PIK3C2A: variants seen among roughly 807,000 people sequenced by gnomAD.
PIK3C2A encodes phosphatidylinositol 4-phosphate 3-kinase C2 domain-containing subunit alpha.
In PIK3C2A, 97 loss-of-function variants were observed where a neutral mutation model predicts 204.5. That is an observed-to-expected ratio of 0.47 (90% CI 0.40 to 0.56). The LOEUF is 0.56. Ranked by LOEUF, PIK3C2A falls within the 20% of genes least tolerant of loss-of-function variation. The probability of loss-of-function intolerance (pLI) is 0.00; values close to 1 mark genes in which losing one functional copy is unlikely to be tolerated. For missense variants in PIK3C2A, 1,735 were observed against 1,969.2 expected, an observed-to-expected ratio of 0.88 and a Z score of 2.25; for synonymous variants, 653 against 664.4, an observed-to-expected ratio of 0.98 and a Z score of 0.26.
chr11:17,204,081 A>G (rs1236478711), intron 1 of PIK3C2A, among the ~76,000 whole-genome samples: 2 of 151,960 alleles, frequency 1.3e-5, no homozygotes, highest in African/African-American at 4.8e-5. Context: ...CTCAAAGAAA[A>G]AAAAAAAAAA....
At chr11:17,166,332 A>G (rs1850947364) in intron 2 of PIK3C2A, among the ~76,000 whole-genome samples, 1 of 152,192 alleles carries the variant, frequency 6.6e-6, no homozygotes, top group South Asian at 2.1e-4. Context: ...AACATAGATA[A>G]AAAGCATGTA....
In PIK3C2A at chr11:17,116,531, C is replaced by T. The variant is rs551478276; in HGVS notation, c.3216+960G>A. 2.0e-5 allele frequency among the ~76,000 whole-genome samples: 3 copies of T among 152,228 alleles called. No individual in the cohort carries two copies. In the South Asian group the frequency reaches 6.2e-4, roughly 32 times the overall value. ...AGAACTACCATATGACCTAGCTCTG[C>T]CATTCCTAAGTGGAAACAGTTGTTT... On this transcript the variant is annotated intron_variant, in intron 19 of 32. Coordinates refer to ENST00000691414, the MANE Select transcript of PIK3C2A (RefSeq NM_002645.4).
chr11:17,173,083 C>T (rs1851230143), intron 1 of PIK3C2A, among the ~76,000 whole-genome samples: 1 of 152,244 alleles, frequency 6.6e-6, no homozygotes, highest in Admixed American at 6.5e-5. Flanking sequence ...CTTCCCTAAG[C>T]AGCTCTTATC....
chr11:17,168,967 A>G lies in PIK3C2A; in HGVS notation c.775T>C (p.Ser259Pro), dbSNP rs1012472123. 5.6e-6 allele frequency: 9 copies of G among 1,613,686 alleles called. No individual in the cohort carries two copies. The Admixed American group carries it at 1.3e-4, about 24-fold the overall frequency. ...TDSKVSNLQV[S>P]PKSEDISKFD... ...TTACTGATATCCTCAGACTTTGGAG[A>G]TACCTGTAGATTGCTGACTTTTGAA... Residue 259 changes from serine (S) to proline (P), a missense_variant, in exon 2 of 33, where the codon TCT becomes CCT. Physicochemically the swap from Ser to Pro is moderately conservative, Grantham distance 74. Around this residue, in one of 6 missense-constraint regions of PIK3C2A, gnomAD observed 536 missense variants for 546.7 expected, o/e 0.98. Coordinates refer to ENST00000691414, the MANE Select transcript of PIK3C2A (RefSeq NM_002645.4).
At chr11:17,150,083 C>T (rs933703558) in intron 4 of PIK3C2A, among the ~76,000 whole-genome samples, 11 of 152,064 alleles carry the variant, frequency 7.2e-5, no homozygotes, top group African/African-American at 2.4e-4. Context: ...AGAGGACACC[C>T]ATACCAAGTT....
At chr11:17,105,369 TAA>T in intron 22 of PIK3C2A, 64 bp from the exon 23 acceptor site, 1 of 1,315,810 alleles carries the variant, frequency 7.6e-7, no homozygotes, top group Non-Finnish European at 1.1e-6. Flanking sequence ...TAAACATTTT[TAA>T]AAATTATTAT....
intron 11 of PIK3C2A, among the ~76,000 whole-genome samples, chr11:17,133,757 G>A (rs1274726246): frequency 3.3e-5 from 5 of 151,848 alleles, no homozygotes; most frequent in African/African-American, 1.2e-4. Context: ...GTGAAATCTC[G>A]TCTCTACTAA....
In PIK3C2A at chr11:17,173,796, G is replaced by A. The variant is rs140249082; in HGVS notation, c.-65-3990C>T. On this transcript the variant is annotated intron_variant, in intron 1 of 32. Transcript: ENST00000691414. ...AGAAACTTAATTTACTGAACACGTGGGGTTTGTTTGTTTGTTTGTTTGTTT... is the reference window on the plus strand; with the variant it reads ...AGAAACTTAATTTACTGAACACGTGAGGTTTGTTTGTTTGTTTGTTTGTTT... Among the ~76,000 whole-genome samples the A allele has an allele frequency of 3.0e-4, 46 of 152,158 alleles. No homozygotes were observed. The East Asian group carries it at 8.3e-3, about 27-fold the overall frequency.
At chr11:17,120,794 T>G (rs1009035528) in intron 15 of PIK3C2A, among the ~76,000 whole-genome samples, 1 of 152,162 alleles carries the variant, frequency 6.6e-6, no homozygotes, top group Non-Finnish European at 1.5e-5. Context: ...TACATACAGC[T>G]ATAATCTCAT....
intron 26 of PIK3C2A, among the ~76,000 whole-genome samples, chr11:17,098,768 A>G (rs1848528245): frequency 6.6e-6 from 1 of 152,190 alleles, no homozygotes; most frequent in Non-Finnish European, 1.5e-5. Context: ...TGAGAGGAAG[A>G]AGGCAAGAGA....
rs750289199 is a variant in PIK3C2A at position 17,186,074 on chromosome 11, C to A, written c.-65-16268G>T. 4.3e-4 allele frequency among the ~76,000 whole-genome samples: 66 copies of A among 152,264 alleles called. 2 individuals are homozygous for A. Among genetic ancestry groups the A allele is most frequent in the Admixed American group, 2.8e-3 (42 of 15,270 alleles). ...GTGCACTGCTTCCATCACACTGGCC[C>A]CCTTGTTGTTCCTCAACACCTTATG... On this transcript the variant is annotated intron_variant, in intron 1 of 32. Coordinates refer to ENST00000691414, the MANE Select transcript of PIK3C2A (RefSeq NM_002645.4).
intron 2 of PIK3C2A, among the ~76,000 whole-genome samples, chr11:17,163,231 G>A (rs1565283749): frequency 6.6e-6 from 1 of 152,120 alleles, no homozygotes; most frequent in African/African-American, 2.4e-5. Flanking sequence ...ACTTGAACCT[G>A]GGAGGTGGAG....
intron 9 of PIK3C2A, among the ~76,000 whole-genome samples, chr11:17,135,833 T>A (rs982537526): frequency 6.6e-6 from 1 of 152,168 alleles, no homozygotes; most frequent in African/African-American, 2.4e-5. Context: ...CTTCTAGATA[T>A]CGAGGGGCAC....
chr11:17,101,855 G>A (rs956722073), intron 24 of PIK3C2A, among the ~76,000 whole-genome samples: 5 of 151,616 alleles, frequency 3.3e-5, no homozygotes, highest in African/African-American at 7.3e-5. Context: ...CGCCCGCCTT[G>A]GCCTCCCAAA....
At position 17,099,943 on chromosome 11, in the gene PIK3C2A, A is replaced by C; in HGVS notation, c.4035T>G (p.Leu1345=). 1 of 1,575,776 alleles carries C rather than the reference A, an allele frequency of 6.3e-7. No individual in the cohort carries two copies. ...CGTATTTCAAATCTTGAATACTTGTAAGTTCTGGTAACCCTGAAGGAATCA... is the reference window on the plus strand; with the variant it reads ...CGTATTTCAAATCTTGAATACTTGTCAGTTCTGGTAACCCTGAAGGAATCA... The part of the protein sequence containing the change: ...SLMIPSGLPE[L]TSIQDLKYVR... The change falls in exon 26 of 33, where the codon CTT becomes CTG. Residue 1345 remains leucine (L), a synonymous_variant. Coordinates refer to ENST00000691414, the MANE Select transcript of PIK3C2A (RefSeq NM_002645.4).
At chr11:17,133,563 T>C (rs867684339) in intron 11 of PIK3C2A, among the ~76,000 whole-genome samples, 13 of 152,336 alleles carry the variant, frequency 8.5e-5, no homozygotes, top group African/African-American at 2.9e-4. Context: ...TTTTATAGCA[T>C]TAAGCTACTA....
chr11:17,150,545 G>C lies in PIK3C2A; in HGVS notation c.1280C>G (p.Ser427Cys). 6.2e-7 allele frequency: 1 copy of C among 1,610,364 alleles called. No individual in the cohort carries two copies. Residue 427 changes from serine to cysteine, a missense_variant, in exon 4 of 33, where the codon TCC (serine) becomes TGC (cysteine). Around this residue, in one of 6 missense-constraint regions of PIK3C2A, gnomAD observed 536 missense variants for 546.7 expected, o/e 0.98. Transcript: ENST00000691414. ...TAGCTGAAATCCTTCAATGTCAATGGAGACCTTCACACTAGCATTTTCTCC... is the reference window on the plus strand; with the variant it reads ...TAGCTGAAATCCTTCAATGTCAATGCAGACCTTCACACTAGCATTTTCTCC... ...ICGENASVKV[S>C]IDIEGFQLPV...
intron 1 of PIK3C2A, among the ~76,000 whole-genome samples, chr11:17,198,592 C>T (rs1158489028): frequency 6.6e-6 from 1 of 152,128 alleles, no homozygotes; most frequent in Non-Finnish European, 1.5e-5. Context: ...AAAATGTTAA[C>T]ATCACCCTGC....
intron 32 of PIK3C2A, among the ~76,000 whole-genome samples, 199 bp downstream of exon 32, chr11:17,091,135 G>A (rs1030658155): frequency 6.6e-5 from 10 of 152,044 alleles, no homozygotes; most frequent in East Asian, 1.9e-4. Context: ...ATGGGATGGT[G>A]GGAGGGAGAG....
Sources: gnomAD v4.1 joint callset for allele counts (sites outside exome capture counted in the v4.1 genomes callset) on GRCh38, gnomAD v4.1.1 for gene constraint, gnomAD v4.1.1 regional missense constraint, MANE v1.5 for transcripts, NCBI Gene and HGNC (gene_info 2026-07-23, HGNC 2026-07-21) for gene names.